Variants in TANC1 observed in about 807,000 individuals in gnomAD.
TANC1 encodes tetratricopeptide repeat, ankyrin repeat and coiled-coil containing 1, also known as protein TANC1.
In TANC1, 77 loss-of-function variants were observed where a neutral mutation model predicts 149.7. The observed-to-expected ratio is 0.51, with a 90% CI of 0.43 to 0.62. The LOEUF (loss-of-function observed/expected upper bound fraction) is 0.62. TANC1 is among the 20% of genes least tolerant of loss of function. TANC1 has a pLI of 0.00. For synonymous variants in TANC1, 854 were observed against 925.0 expected, an observed-to-expected ratio of 0.92 and a Z score of 1.39; for missense variants, 1,985 against 2,321.8, an observed-to-expected ratio of 0.85 and a Z score of 2.98.
intron 1 of TANC1, among the ~76,000 whole-genome samples, chr2:158,995,758 C>T (rs1271574129): frequency 2.0e-5 from 3 of 152,168 alleles, no homozygotes; most frequent in Non-Finnish European, 4.4e-5. Context: ...TCAATTCCAC[C>T]CTTCTGTCTG....
intron 7 of TANC1, among the ~76,000 whole-genome samples, chr2:159,155,563 G>A (rs919643002): frequency 6.6e-5 from 10 of 152,240 alleles, no homozygotes; most frequent in Admixed American, 3.9e-4. Context: ...GAGCAGGTAT[G>A]TAATCTACCT....
At position 159,103,107 on chromosome 2, in the gene TANC1, A is replaced by G. The variant is rs530428416; in HGVS notation, c.259+5273A>G. Among the ~76,000 whole-genome samples the G allele has an allele frequency of 1.9e-4, 18 of 96,438 alleles. 1 individual carries two copies. The highest frequency in any genetic ancestry group is 4.9e-4 in the African/African-American group (17 of 34,952). 63.3% of individuals were successfully genotyped at this position (96,438 alleles called of 152,430 possible). The stretch of plus-strand genomic sequence containing the variant: ...ATTTTTTAATTATGGTGAAATACAT[A>G]TAACAAAATTGACCATCTTAACCAT... On this transcript the variant is annotated intron_variant, in intron 4 of 26. Transcript: ENST00000263635.
At position 159,074,704 on chromosome 2, in the gene TANC1, C is replaced by A. The variant is rs568209659; in HGVS notation, c.61+8733C>A. On this transcript the variant is annotated intron_variant, in intron 3 of 26. Coordinates refer to ENST00000263635, the MANE Select transcript of TANC1 (RefSeq NM_033394.3). ...AATATTTTGATTTTTGATAGTACAT[C>A]TTCGTGTTGTCTTAGTCTGCTTGAG... Among the ~76,000 whole-genome samples, 14 of 152,174 alleles carry A rather than the reference C, an allele frequency of 9.2e-5. 1 individual carries two copies. The South Asian group carries it at 2.9e-3, about 32-fold the overall frequency.
chr2:159,029,687 C>A (rs1029872741), intron 2 of TANC1, among the ~76,000 whole-genome samples: 1 of 152,146 alleles, frequency 6.6e-6, no homozygotes, highest in Non-Finnish European at 1.5e-5. Context: ...CGTCAGTCTC[C>A]TGAGTAGCTA....
intron 24 of TANC1, chr2:159,227,553 C>T (rs375612366): frequency 6.7e-6 from 3 of 446,746 alleles, no homozygotes; most frequent in South Asian, 3.6e-5. Context: ...AATTATCAAT[C>T]TAGCAGTTTA....
At chr2:159,183,972 G>A (rs181533040) in intron 14 of TANC1, among the ~76,000 whole-genome samples, 36 of 152,262 alleles carry the variant, frequency 2.4e-4, no homozygotes, top group African/African-American at 7.2e-4. Context: ...CCCGTCAGAC[G>A]TGGTGCCAGT....
At position 159,199,016 on chromosome 2, in the gene TANC1, A is replaced by G. The variant is rs768076322; in HGVS notation, c.3207A>G (p.Val1069=). 9.9e-6 allele frequency: 16 copies of G among 1,614,132 alleles called. No homozygotes were observed. Among genetic ancestry groups the G allele is most frequent in the Middle Eastern group, 1.6e-4 (1 of 6,062 alleles). Residue 1069 remains valine, a synonymous_variant, in exon 19 of 27, where the codon GTA becomes GTG. Transcript: ENST00000263635. The part of the protein sequence containing the change: ...CLLGMEKEHE[V]EVNGTDTLWG... ...TGGGGATGGAGAAGGAACATGAAGT[A>G]GAAGTCAATGGCACCGACACATTGT... is the stretch of plus-strand genomic sequence containing the variant.
In TANC1 at chr2:159,228,792, C is replaced by T. The variant is rs754682427; in HGVS notation, c.4051-4C>T. The T allele has an allele frequency of 6.2e-7, 1 of 1,611,548 alleles. No individual in the cohort carries two copies. The highest frequency in any genetic ancestry group is 2.2e-5 in the East Asian group (1 of 44,872). On this transcript the variant is annotated splice_region_variant and splice_polypyrimidine_tract_variant and intron_variant, in intron 25 of 26. Coordinates refer to ENST00000263635, the MANE Select transcript of TANC1 (RefSeq NM_033394.3). ...CTGACTCCTGTATTTCTTGTCGACA[C>T]CAGGACTTTGGCATGGCAGAGGAAT... is the stretch of plus-strand genomic sequence containing the variant.
chr2:159,114,945 A>G (rs1359636537), intron 4 of TANC1, among the ~76,000 whole-genome samples: 1 of 152,188 alleles, frequency 6.6e-6, no homozygotes, highest in Non-Finnish European at 1.5e-5. Context: ...CAGTGATTTC[A>G]TGAGCTTCCA....
At chr2:159,130,836 G>A (rs1229276032) in intron 4 of TANC1, among the ~76,000 whole-genome samples, 10 of 152,238 alleles carry the variant, frequency 6.6e-5, no homozygotes, top group East Asian at 5.8e-4. Context: ...GTGCACCACC[G>A]TGCCCAACTC....
At chr2:159,003,882 T>G in intron 2 of TANC1, 1 of 1,612,778 alleles carries the variant, frequency 6.2e-7, no homozygotes. Context: ...CAGGCTCAGG[T>G]CCAGATAGGG....
At chr2:159,218,074 TTTTTG>T (rs1322089424) in intron 20 of TANC1, among the ~76,000 whole-genome samples, 1 of 117,902 alleles carries the variant, frequency 8.5e-6, no homozygotes, top group African/African-American at 3.3e-5. Context: ...TTGTTTTTGG[TTTTTG>T]TTTTGTTTTG....
intron 14 of TANC1, among the ~76,000 whole-genome samples, chr2:159,182,168 C>T (rs948331327): frequency 1.3e-5 from 2 of 151,292 alleles, no homozygotes; most frequent in African/African-American, 2.4e-5. Flanking sequence ...GAGATCGTGC[C>T]ACTACACTCC....
intron 1 of TANC1, among the ~76,000 whole-genome samples, chr2:158,981,588 T>C (rs574626900): frequency 5.0e-5 from 7 of 140,724 alleles, no homozygotes; most frequent in Admixed American, 1.5e-4. Context: ...TATTAGTATA[T>C]CAAAGGGATG....
chr2:158,993,871 A>G (rs2035906167), intron 1 of TANC1, among the ~76,000 whole-genome samples: 1 of 152,258 alleles, frequency 6.6e-6, no homozygotes, highest in African/African-American at 2.4e-5. Context: ...CATAACAAAT[A>G]GCATTTGAAT....
chr2:159,106,681 A>G (rs1390997611), intron 4 of TANC1, among the ~76,000 whole-genome samples: 2 of 152,194 alleles, frequency 1.3e-5, no homozygotes, highest in African/African-American at 4.8e-5. Flanking sequence ...TCCCTTGGGT[A>G]TATACCTAGT....
intron 14 of TANC1, 44 bp from the exon 15 acceptor site, chr2:159,185,747 G>A: frequency 1.4e-6 from 2 of 1,401,084 alleles, no homozygotes; most frequent in Non-Finnish European, 2.0e-6. Flanking sequence ...GCGGTGTGGT[G>A]GAATGGGCTC....
chr2:159,097,900 C>G, intron 4 of TANC1, 66 bp downstream of exon 4: 1 of 1,386,352 alleles, frequency 7.2e-7, no homozygotes, highest in African/African-American at 1.4e-5. Context: ...ATAAGCAAAA[C>G]TAGTGCCCAT....
Position 159,232,410 on chromosome 2 carries a change from TC to T in TANC1, c.*1400del, listed in dbSNP as rs1201007174. The T allele has an allele frequency of 1.3e-5, 2 of 152,650 alleles. No individual in the cohort carries two copies. Among genetic ancestry groups the T allele is most frequent in the African/African-American group, 2.4e-5 (1 of 41,460 alleles). The allele number at this position is 152,650 out of a possible 1,614,324, so 9.5% of individuals were successfully genotyped here. On this transcript the variant is annotated 3_prime_UTR_variant, in exon 27 of 27. Coordinates refer to ENST00000263635, the MANE Select transcript of TANC1 (RefSeq NM_033394.3). The stretch of plus-strand genomic sequence containing the variant: ...TTAAAGTGAATTGTTGTAATGAAGT[TC>T]CTGTGAACATCATTATGGTTTTGTA...
Sources: gnomAD v4.1 joint callset for allele counts (sites outside exome capture counted in the v4.1 genomes callset) on GRCh38, gnomAD v4.1.1 for gene constraint, MANE v1.5 for transcripts, NCBI Gene and HGNC (gene_info 2026-07-23, HGNC 2026-07-21) for gene names.